Variants in PHF12 observed in about 807,000 individuals in gnomAD.
PHF12 encodes the protein PHD finger protein 12.
Under a neutral mutation model 99.8 loss-of-function variants are expected in PHF12, and 6 were observed. That is an observed-to-expected ratio of 0.06 (90% confidence interval 0.03 to 0.12). The LOEUF is 0.12. PHF12 is among the 10% of genes least tolerant of loss of function. The pLI is 1.00. For synonymous variants in PHF12, 480 were observed against 514.9 expected, an observed-to-expected ratio of 0.93 and a Z score of 0.92; for missense variants, 954 against 1,300.1, an observed-to-expected ratio of 0.73 and a Z score of 4.09.
At chr17:28,916,290 G>GAGAA (rs1472870834) in intron 7 of PHF12, among the ~76,000 whole-genome samples, 1 of 152,146 alleles carries the variant, frequency 6.6e-6, no homozygotes, top group East Asian at 1.9e-4. Flanking sequence ...CACCTCCCAG[G>GAGAA]TTCTAATGAT....
In PHF12 at chr17:28,950,400, A is replaced by T; in HGVS notation, c.67-154T>A. 1.2e-6 allele frequency: 1 copy of T among 835,294 alleles called. No individual in the cohort carries two copies. The highest frequency in any genetic ancestry group is 1.8e-6 in the Non-Finnish European group (1 of 552,970). 51.7% of individuals were successfully genotyped at this position (835,294 alleles called of 1,614,324 possible). On this transcript the variant is annotated intron_variant, in intron 1 of 14. Transcript: ENST00000332830. This position sits in a 1 kb window ranked among gnomAD's most constrained non-coding sequence, Gnocchi z 5.7. ...CTCCCAGAATCTCTCAGCCCCCGGA[A>T]CCAGGGGGAGCCCACCCTAACCGCG...
chr17:28,949,345 A>AGGC lies in PHF12; in HGVS notation c.248+717_248+719dup, dbSNP rs1297509680. Among the ~76,000 whole-genome samples, 1 of 152,094 alleles carries AGGC rather than the reference A, an allele frequency of 6.6e-6. No individual in the cohort carries two copies. Among genetic ancestry groups the AGGC allele is most frequent in the Non-Finnish European group, 1.5e-5 (1 of 67,996 alleles). On this transcript the variant is annotated intron_variant, in intron 2 of 14. Transcript: ENST00000332830. This position sits in a 1 kb window ranked among gnomAD's most constrained non-coding sequence, Gnocchi z 4.6. ...GAGGAGGAAGGAAGGCAGCTCTGAG[A>AGGC]GGCAACAGGGGGCAAGCGGAGGCAG...
chr17:28,909,745 C>A (rs759845023), intron 11 of PHF12: 71 of 314,558 alleles, frequency 2.3e-4, no homozygotes, highest in Non-Finnish European at 3.9e-4. Context: ...TGTATGCCAC[C>A]ATGCCTGGGT....
intron 2 of PHF12, among the ~76,000 whole-genome samples, chr17:28,943,572 G>A (rs759784515): frequency 2.0e-5 from 3 of 152,192 alleles, no homozygotes; most frequent in Non-Finnish European, 4.4e-5. Flanking sequence ...GGACGCTGCA[G>A]TGAGCTGAGA....
At chr17:28,926,220 A>G (rs1221617385) in intron 3 of PHF12, 1 of 155,032 alleles carries the variant, frequency 6.5e-6, no homozygotes, top group Non-Finnish European at 1.4e-5. Context: ...CTGTTTCTGC[A>G]ACCAAGGAAG....
At chr17:28,934,609 TA>T (rs1461730199) in intron 2 of PHF12, among the ~76,000 whole-genome samples, 263 of 145,084 alleles carry the variant, frequency 1.8e-3, no homozygotes, top group African/African-American at 6.5e-3. Flanking sequence ...TTTTCTTTTC[TA>T]TTTTTTTTTT....
chr17:28,914,003 G>T lies in PHF12; in HGVS notation c.1169C>A (p.Pro390Gln). The change falls in exon 8 of 15, where the codon CCA (proline) becomes CAA (glutamine). Residue 390 changes from proline to glutamine, a missense_variant. Coordinates refer to ENST00000332830, the MANE Select transcript of PHF12 (RefSeq NM_001033561.2). The stretch of plus-strand genomic sequence containing the variant: ...GGCCGCGGGTGCAATGAGAGGGGGT[G>T]GAAACTGGTACTGAGATTTTATAGC... ...PDAIKSQYQF[P>Q]PPLIAPAAIR... 6.2e-7 allele frequency: 1 copy of T among 1,613,334 alleles called. No individual in the cohort carries two copies. The highest frequency in any genetic ancestry group is 2.2e-5 in the East Asian group (1 of 44,836).
In PHF12 at chr17:28,951,159, G is replaced by C. The variant is rs956151854; in HGVS notation, c.-199C>G. 29 of 1,427,970 alleles carry C rather than the reference G, an allele frequency of 2.0e-5. No homozygotes were observed. The highest frequency in any genetic ancestry group is 8.7e-5 in the African/African-American group (6 of 68,918). 88.5% of individuals were successfully genotyped at this position (1,427,970 alleles called of 1,614,324 possible). On this transcript the variant is annotated 5_prime_UTR_variant, in exon 1 of 15. Coordinates refer to ENST00000332830, the MANE Select transcript of PHF12 (RefSeq NM_001033561.2). ...CAGCGTCCTCCCGACGGGCCGCGAGGGGGGAGCGGCCCCTCAGTCCCGGCC... is the reference window on the plus strand; with the variant it reads ...CAGCGTCCTCCCGACGGGCCGCGAGCGGGGAGCGGCCCCTCAGTCCCGGCC...
rs960144189 is a variant in PHF12 at position 28,917,151 on chromosome 17, C to T, written c.1134+134G>A. 21 of 1,176,422 alleles carry T rather than the reference C, an allele frequency of 1.8e-5. 1 individual carries two copies. The South Asian group carries it at 2.9e-4, about 16-fold the overall frequency. The allele number at this position is 1,176,422 out of a possible 1,614,324, so 72.9% of individuals were successfully genotyped here. Reference sequence around the variant, plus strand: ...CAAGTATTAAAATGAAGGTCACACTCATTACTCACGAGACACCACAAACCT... The same window carrying T: ...CAAGTATTAAAATGAAGGTCACACTTATTACTCACGAGACACCACAAACCT... On this transcript the variant is annotated intron_variant, in intron 7 of 14. Transcript: ENST00000332830.
intron 2 of PHF12, among the ~76,000 whole-genome samples, chr17:28,937,186 CT>C (rs1456408504): frequency 1.3e-5 from 2 of 152,042 alleles, no homozygotes; most frequent in Non-Finnish European, 2.9e-5. Flanking sequence ...AAGTGCATGC[CT>C]TGAGGGAACA....
At position 28,912,893 on chromosome 17, in the gene PHF12, T is replaced by C; in HGVS notation, c.1678A>G (p.Thr560Ala). 3.1e-6 allele frequency: 5 copies of C among 1,613,362 alleles called. No individual in the cohort carries two copies. Among genetic ancestry groups the C allele is most frequent in the Non-Finnish European group, 4.2e-6 (5 of 1,179,388 alleles). ...GCGCCTGGAAGTCGCCGGGGGTCCG[T>C]GGAATCAGTAGGGCTGCTGTAGAGG... ...PHLYSSPTDS[T>A]DPRRLPGANT... The change falls in exon 9 of 15, where the codon ACG (threonine) becomes GCG (alanine). Residue 560 changes from threonine to alanine, a missense_variant. Thr to Ala is a moderately conservative substitution (Grantham distance 58, BLOSUM62 0). Around this residue, in one of 8 missense-constraint regions of PHF12, gnomAD observed 392 missense variants for 423.1 expected, o/e 0.93. Coordinates refer to ENST00000332830, the MANE Select transcript of PHF12 (RefSeq NM_001033561.2).
In PHF12 at chr17:28,938,340, C is replaced by T. The variant is rs539656277; in HGVS notation, c.249-11277G>A. Among the ~76,000 whole-genome samples the T allele has an allele frequency of 5.3e-5, 8 of 152,328 alleles. No individual in the cohort carries two copies. In the South Asian group the frequency reaches 1.7e-3, roughly 32 times the overall value. On this transcript the variant is annotated intron_variant, in intron 2 of 14. Transcript: ENST00000332830. ...CCGCCTCCCGGTTCAACTGATTCTC[C>T]TGCCTCAGCCTCCTGAGCGGCTGGG...
intron 3 of PHF12, chr17:28,926,454 G>C (rs529661602): frequency 1.1e-3 from 259 of 238,166 alleles, no homozygotes; most frequent in Non-Finnish European, 1.9e-3. Context: ...TTTAGCTCTT[G>C]TTACCCACAA....
rs369133806 is a variant in PHF12, at chr17:28,910,288, A to T, written c.2297T>A (p.Val766Asp). ...CCCGACACTGCCCGGTGAAGGTTGG[A>T]CCCGGGAGGGGAAAAGCTGATGTAT... is the stretch of plus-strand genomic sequence containing the variant. Reference protein sequence around the residue: ...QRIHQLFPSRVQPSPGSVGTH... With the variant: ...QRIHQLFPSRDQPSPGSVGTH... Residue 766 changes from valine to aspartate, a missense_variant, in exon 11 of 15, where the codon GTC (valine) becomes GAC (aspartate). Transcript: ENST00000332830. The T allele has an allele frequency of 6.2e-7, 1 of 1,614,200 alleles. No homozygotes were observed. Among genetic ancestry groups the T allele is most frequent in the African/African-American group, 1.3e-5 (1 of 75,038 alleles).
intron 9 of PHF12, chr17:28,912,190 G>A: frequency 1.6e-6 from 2 of 1,230,110 alleles, no homozygotes; most frequent in Non-Finnish European, 2.0e-6. Context: ...GCCTAGGCCT[G>A]GAAGGTATGG....
At chr17:28,927,679 G>A (rs1042049017) in intron 2 of PHF12, 1 of 152,534 alleles carries the variant, frequency 6.6e-6, no homozygotes. Flanking sequence ...CAGCAGAGGT[G>A]ACAATGTTGC....
At chr17:28,938,460 C>A (rs1296674340) in intron 2 of PHF12, among the ~76,000 whole-genome samples, 1 of 152,058 alleles carries the variant, frequency 6.6e-6, no homozygotes, top group Non-Finnish European at 1.5e-5. Context: ...GAACTCCTGA[C>A]CTTGTGATCC....
In PHF12 at chr17:28,906,533, A is replaced by G; in HGVS notation, c.2681-16T>C. On this transcript the variant is annotated splice_polypyrimidine_tract_variant and intron_variant, in intron 14 of 14. Coordinates refer to ENST00000332830, the MANE Select transcript of PHF12 (RefSeq NM_001033561.2). The surrounding 1 kb of genome is among the most constrained non-coding windows in gnomAD (Gnocchi z 4.2). ...CGGCGGCGCCCTGGGAAAAAGGGGG[A>G]TGGTCACAGAAGAGGAACAGTGAGC... The G allele has an allele frequency of 2.5e-6, 4 of 1,583,576 alleles. No homozygotes were observed. The highest frequency in any genetic ancestry group is 1.1e-5 in the South Asian group (1 of 87,454).
In PHF12 at chr17:28,912,105, G is replaced by A; in HGVS notation, c.2089+377C>T. 1.1e-5 allele frequency: 12 copies of A among 1,047,306 alleles called. No homozygotes were observed. In the Admixed American group the frequency reaches 1.6e-4, roughly 14 times the overall value. The allele number at this position is 1,047,306 out of a possible 1,614,324, so 64.9% of individuals were successfully genotyped here. A position where few individuals can be genotyped will look rare whatever the true frequency, so the allele number is the denominator to read the frequency against. ...CTGACAATACTGAGGCCATCACGCA[G>A]AACCTCAGGCTGATCATAGTAATTC... On this transcript the variant is annotated intron_variant, in intron 9 of 14. Transcript: ENST00000332830.
Sources: allele counts gnomAD v4.1 joint callset (sites outside exome capture counted in the v4.1 genomes callset), GRCh38; gene constraint gnomAD v4.1.1; regional missense constraint gnomAD v4.1.1; non-coding constraint Gnocchi (gnomAD v3.1); transcripts MANE v1.5; gene names NCBI Gene and HGNC (gene_info 2026-07-23, HGNC 2026-07-21).